The following RALGPS2 variants were observed in gnomAD, a reference collection of about 807,000 sequenced individuals.
RALGPS2 encodes Ral GEF with PH domain and SH3 binding motif 2.
Under a neutral mutation model 86.8 loss-of-function variants are expected in RALGPS2, and 43 were observed. The observed-to-expected ratio is 0.50, with a 90% CI of 0.39 to 0.64. RALGPS2 has a LOEUF of 0.64. RALGPS2 is among the 30% of genes least tolerant of loss of function. RALGPS2 has a pLI of 0.00. For missense variants in RALGPS2, 536 were observed against 694.6 expected (o/e 0.77, Z 2.57); for synonymous variants, 243 against 231.3 (o/e 1.05, Z -0.46).
chr1:178,878,785 A>C, intron 9 of RALGPS2, 117 bp from the exon 10 acceptor site: 1 of 1,353,036 alleles, frequency 7.4e-7, no homozygotes, highest in Middle Eastern at 2.5e-4. Flanking sequence ...TTCTAGAGTT[A>C]ATTTAAATTT....
intron 8 of RALGPS2, among the ~76,000 whole-genome samples, chr1:178,836,237 C>T (rs1424398803): frequency 3.3e-5 from 5 of 152,168 alleles, no homozygotes; most frequent in South Asian, 2.1e-4. Context: ...TCTCAGCCCC[C>T]GACCTGAAAC....
At chr1:178,888,836 C>T (rs1659600669) in intron 13 of RALGPS2, among the ~76,000 whole-genome samples, 1 of 152,094 alleles carries the variant, frequency 6.6e-6, no homozygotes, top group Non-Finnish European at 1.5e-5. Flanking sequence ...TACCTTACAG[C>T]ATTAGAATTT....
At chr1:178,815,292 T>C (rs1255694767) in intron 6 of RALGPS2, among the ~76,000 whole-genome samples, 1 of 150,826 alleles carries the variant, frequency 6.6e-6, no homozygotes, top group Non-Finnish European at 1.5e-5. Context: ...GCCATGTTGG[T>C]CAGGCTGGTC....
intron 7 of RALGPS2, among the ~76,000 whole-genome samples, chr1:178,826,829 A>G (rs959936633): frequency 3.3e-5 from 5 of 152,208 alleles, no homozygotes; most frequent in Admixed American, 6.5e-5. Context: ...ATATCAAACA[A>G]TAAGTGGAAT....
intron 6 of RALGPS2, among the ~76,000 whole-genome samples, chr1:178,819,607 C>T (rs1209586401): frequency 6.6e-6 from 1 of 152,202 alleles, no homozygotes; most frequent in Non-Finnish European, 1.5e-5. Flanking sequence ...GTTCAGCTTA[C>T]ATCTCTGGAT....
intron 8 of RALGPS2, chr1:178,864,953 C>T: frequency 6.9e-7 from 1 of 1,447,082 alleles, no homozygotes; most frequent in Admixed American, 2.6e-5. Flanking sequence ...AGGTAACTCA[C>T]CTTCATTGAT....
chr1:178,728,768 A>G (rs547950494), intron 1 of RALGPS2, among the ~76,000 whole-genome samples: 2 of 152,278 alleles, frequency 1.3e-5, no homozygotes, highest in South Asian at 4.1e-4. Context: ...AGTAACGTGG[A>G]ATTAATCTGG....
At chr1:178,760,739 C>G (rs10157994) in intron 1 of RALGPS2, among the ~76,000 whole-genome samples, 6,500 of 152,134 alleles carry the variant, frequency 0.043, 490 homozygotes, top group African/African-American at 0.15. Context: ...TAGCATTGAC[C>G]TTCAACAGTC....
chr1:178,815,608 A>C (rs887469679), intron 6 of RALGPS2, among the ~76,000 whole-genome samples: 4 of 152,164 alleles, frequency 2.6e-5, no homozygotes, highest in Non-Finnish European at 2.9e-5. Context: ...GCTTGTAAAA[A>C]CAAACATTTA....
At chr1:178,790,586 GT>G (rs2102143621) in intron 4 of RALGPS2, among the ~76,000 whole-genome samples, 1 of 152,230 alleles carries the variant, frequency 6.6e-6, no homozygotes, top group South Asian at 2.1e-4. Flanking sequence ...GTGTTCTGTT[GT>G]TTCGGTCTTT....
chr1:178,759,271 T>G (rs1652110786), intron 1 of RALGPS2, among the ~76,000 whole-genome samples: 2 of 152,174 alleles, frequency 1.3e-5, no homozygotes, highest in Non-Finnish European at 2.9e-5. Context: ...AGGGGTCTAG[T>G]TCCATTCTTC....
intron 1 of RALGPS2, among the ~76,000 whole-genome samples, chr1:178,759,715 G>A (rs1345016074): frequency 6.6e-6 from 1 of 151,442 alleles, no homozygotes; most frequent in Non-Finnish European, 1.5e-5. Context: ...CTTTGAGTCC[G>A]TTAATATGCA....
At chr1:178,813,894 G>T (rs1420915271) in intron 6 of RALGPS2, among the ~76,000 whole-genome samples, 1 of 152,006 alleles carries the variant, frequency 6.6e-6, no homozygotes, top group Non-Finnish European at 1.5e-5. Flanking sequence ...CCTAGATTAG[G>T]GTTCGATTAA....
chr1:178,918,878 G>C lies in RALGPS2; in HGVS notation c.*2519G>C, dbSNP rs1468671960. 1.3e-5 allele frequency: 2 copies of C among 152,026 alleles called. No homozygotes were observed. The highest frequency in any genetic ancestry group is 4.8e-5 in the African/African-American group (2 of 41,428). 9.4% of individuals were successfully genotyped at this position (152,026 alleles called of 1,614,324 possible). ...TATATAGGTAGTTCATTCGTGGGAA[G>C]ATGAATCTTCTTATTAAGCCTGCCC... is the stretch of plus-strand genomic sequence containing the variant. On this transcript the variant is annotated 3_prime_UTR_variant, in exon 20 of 20. Coordinates refer to ENST00000367635, the MANE Select transcript of RALGPS2 (RefSeq NM_152663.5).
At chr1:178,910,427 T>C (rs577471444) in intron 19 of RALGPS2, among the ~76,000 whole-genome samples, 1 of 152,348 alleles carries the variant, frequency 6.6e-6, no homozygotes, top group East Asian at 1.9e-4. Flanking sequence ...TATTTTGAGA[T>C]ATGTTCTTTC....
At position 178,751,492 on chromosome 1, in the gene RALGPS2, C is replaced by A. The variant is rs116460284; in HGVS notation, c.-83-25190C>A. Among the ~76,000 whole-genome samples the A allele has an allele frequency of 3.7e-3, 560 of 152,258 alleles. 5 individuals are homozygous for A. Among genetic ancestry groups the A allele is most frequent in the African/African-American group, 0.012 (507 of 41,558 alleles). On this transcript the variant is annotated intron_variant, in intron 1 of 19. Coordinates refer to ENST00000367635, the MANE Select transcript of RALGPS2 (RefSeq NM_152663.5). ...CTCTTCTTGAGAGAGAACACTATTCCATAACCTTCTGAACCTCTTTAAGCC... is the reference window on the plus strand; with the variant it reads ...CTCTTCTTGAGAGAGAACACTATTCAATAACCTTCTGAACCTCTTTAAGCC...
At chr1:178,835,949 A>G (rs1262467060) in intron 8 of RALGPS2, among the ~76,000 whole-genome samples, 2 of 152,250 alleles carry the variant, frequency 1.3e-5, no homozygotes, top group African/African-American at 4.8e-5. Flanking sequence ...AAAGAAAATT[A>G]AGATTATTTT....
chr1:178,746,992 A>G, intron 1 of RALGPS2: 2 of 938,714 alleles, frequency 2.1e-6, no homozygotes, highest in Non-Finnish European at 3.5e-6. Flanking sequence ...TCGTTTCTGT[A>G]TACTAGAATC....
At chr1:178,844,389 T>C (rs1191977231) in intron 8 of RALGPS2, among the ~76,000 whole-genome samples, 2 of 152,176 alleles carry the variant, frequency 1.3e-5, no homozygotes, top group Non-Finnish European at 2.9e-5. Flanking sequence ...TAGAGTCCTA[T>C]ATGCTGGTAA....
Sources: gnomAD v4.1 joint callset for allele counts (sites outside exome capture counted in the v4.1 genomes callset) on GRCh38, gnomAD v4.1.1 for gene constraint, MANE v1.5 for transcripts, NCBI Gene and HGNC (gene_info 2026-07-23, HGNC 2026-07-21) for gene names.